The following TMEM127 variants were observed in gnomAD, a reference collection of about 807,000 sequenced individuals.
TMEM127 encodes the protein transmembrane protein 127.
Under a neutral mutation model 20.1 loss-of-function variants are expected in TMEM127, and 21 were observed. The ratio of observed to expected loss-of-function variants is 1.04; its 90% CI spans 0.74 to 1.50. The LOEUF (loss-of-function observed/expected upper bound fraction) is 1.50. Ranked by LOEUF, TMEM127 falls within the 40% of genes most tolerant of loss-of-function variation. The pLI is 0.00. For synonymous variants in TMEM127, 150 were observed against 144.7 expected (o/e 1.04, Z -0.26); for missense variants, 303 against 317.4 (o/e 0.95, Z 0.34).
rs2104282530 is a variant in TMEM127 at position 96,253,814 on chromosome 2, T to C, written c.711A>G (p.Thr237=). Residue 237 remains threonine, a synonymous_variant, in exon 4 of 4, where the codon ACA becomes ACG. Transcript: ENST00000258439. This position sits in a 1 kb window ranked among gnomAD's most constrained non-coding sequence, Gnocchi z 4.3. ...INQFQPPPAY[T]P ...AGAGAGCCCAGGGCTGGCATTAGGG[T>C]GTGTAAGCAGGGGGTGGCTGGAACT... 2 of 1,608,606 alleles carry C rather than the reference T, an allele frequency of 1.2e-6. No homozygotes were observed. The highest frequency in any genetic ancestry group is 3.3e-4 in the Middle Eastern group (2 of 6,012).
intron 2 of TMEM127, among the ~76,000 whole-genome samples, chr2:96,256,054 C>T (rs887130649): frequency 1.4e-4 from 22 of 152,032 alleles, no homozygotes; most frequent in South Asian, 6.2e-4. Context: ...GGGCAGATCA[C>T]GAGGTCAGAA....
chr2:96,254,786 C>G (rs1684165981), intron 3 of TMEM127, 47 bp downstream of exon 3: 1 of 1,612,454 alleles, frequency 6.2e-7, no homozygotes, highest in African/African-American at 1.3e-5. Flanking sequence ...AGGATGCCCC[C>G]ACCCTGTAGC....
chr2:96,264,404 A>T (rs1684370814), intron 2 of TMEM127, among the ~76,000 whole-genome samples: 1 of 152,202 alleles, frequency 6.6e-6, no homozygotes, highest in Non-Finnish European at 1.5e-5. Flanking sequence ...GTTACTAAGG[A>T]CTGTTTGGGG....
Position 96,252,765 on chromosome 2 carries a change from G to T in TMEM127, c.*1043C>A, listed in dbSNP as rs1684119606. ...GGCCAGGTTCCATCTCAGTGCTGCA[G>T]TCCTGAGGAGCACCACGCTGGCCCG... is the stretch of plus-strand genomic sequence containing the variant. On this transcript the variant is annotated 3_prime_UTR_variant, in exon 4 of 4. Coordinates refer to ENST00000258439, the MANE Select transcript of TMEM127 (RefSeq NM_017849.4). The surrounding 1 kb of genome is among the most constrained non-coding windows in gnomAD (Gnocchi z 4.2). 4.3e-6 allele frequency: 1 copy of T among 233,846 alleles called. No individual in the cohort carries two copies. Among genetic ancestry groups the T allele is most frequent in the African/African-American group, 2.2e-5 (1 of 45,360 alleles). The allele number at this position is 233,846 out of a possible 1,614,324, so 14.5% of individuals were successfully genotyped here.
chr2:96,253,623 A>G lies in TMEM127; in HGVS notation c.*185T>C. The G allele has an allele frequency of 1.6e-6, 1 of 636,500 alleles. No individual in the cohort carries two copies. Among genetic ancestry groups the G allele is most frequent in the South Asian group, 2.1e-5 (1 of 48,088 alleles). The allele number at this position is 636,500 out of a possible 1,614,324, so 39.4% of individuals were successfully genotyped here. ...AGAGTACATTATAGAAAACCAGTGG[A>G]CCTCCGGTTCTGAGAGCAGGGATAC... On this transcript the variant is annotated 3_prime_UTR_variant, in exon 4 of 4. Transcript: ENST00000258439. This position sits in a 1 kb window ranked among gnomAD's most constrained non-coding sequence, Gnocchi z 4.3.
chr2:96,253,426 C>G lies in TMEM127; in HGVS notation c.*382G>C. The G allele has an allele frequency of 1.6e-5, 5 of 307,558 alleles. No homozygotes were observed. Among genetic ancestry groups the G allele is most frequent in the South Asian group, 1.3e-4 (2 of 14,912 alleles). 19.1% of individuals were successfully genotyped at this position (307,558 alleles called of 1,614,324 possible). The stretch of plus-strand genomic sequence containing the variant: ...TGAAGTGAGCCTCCAGGGCACAGTC[C>G]CCTTTCCCTTGGGCCCTTTGACACT... On this transcript the variant is annotated 3_prime_UTR_variant, in exon 4 of 4. Transcript: ENST00000258439. The surrounding 1 kb of genome is among the most constrained non-coding windows in gnomAD (Gnocchi z 4.3).
At chr2:96,257,355 G>A (rs985877115) in intron 2 of TMEM127, among the ~76,000 whole-genome samples, 9 of 151,912 alleles carry the variant, frequency 5.9e-5, no homozygotes, top group East Asian at 3.9e-4. Flanking sequence ...CCAGCTACTC[G>A]GGGGGCTGAG....
In TMEM127 at chr2:96,253,655, G is replaced by A. The variant is rs1440678635; in HGVS notation, c.*153C>T. The A allele has an allele frequency of 1.4e-5, 11 of 793,136 alleles. No homozygotes were observed. The highest frequency in any genetic ancestry group is 2.9e-5 in the Admixed American group (1 of 34,112). 49.1% of individuals were successfully genotyped at this position (793,136 alleles called of 1,614,324 possible). A position where few individuals can be genotyped will look rare whatever the true frequency, so the allele number is the denominator to read the frequency against. On this transcript the variant is annotated 3_prime_UTR_variant, in exon 4 of 4. Coordinates refer to ENST00000258439, the MANE Select transcript of TMEM127 (RefSeq NM_017849.4). This position sits in a 1 kb window ranked among gnomAD's most constrained non-coding sequence, Gnocchi z 4.3. ...GTTCTGAGAGCAGGGATACTTGGATGACCCTAAAGGCAGAGTCTCTCCTGG... is the reference window on the plus strand; with the variant it reads ...GTTCTGAGAGCAGGGATACTTGGATAACCCTAAAGGCAGAGTCTCTCCTGG...
At chr2:96,258,928 A>C (rs750043991) in intron 2 of TMEM127, among the ~76,000 whole-genome samples, 278 of 152,288 alleles carry the variant, frequency 1.8e-3, no homozygotes, top group Non-Finnish European at 3.0e-3. Context: ...GGAGTAAGAA[A>C]AGTAATATGT....
rs759649487 is a variant in TMEM127, at chr2:96,253,310, C to T, written c.*498G>A. On this transcript the variant is annotated 3_prime_UTR_variant, in exon 4 of 4. Transcript: ENST00000258439. The surrounding 1 kb of genome is among the most constrained non-coding windows in gnomAD (Gnocchi z 4.3). ...GTAAAGTGCACAGAACTCCCCGGAG[C>T]AGGTGGCCTGGGGGCGGGTCACTCC... 10 of 241,960 alleles carry T rather than the reference C, an allele frequency of 4.1e-5. No individual in the cohort carries two copies. Among genetic ancestry groups the T allele is most frequent in the African/African-American group, 2.2e-4 (10 of 45,444 alleles). The allele number at this position is 241,960 out of a possible 1,614,324, so 15.0% of individuals were successfully genotyped here.
In TMEM127 at chr2:96,265,586, C is replaced by CG. The variant is rs928085360; in HGVS notation, c.-131-75dup. 10 of 557,076 alleles carry CG rather than the reference C, an allele frequency of 1.8e-5. No individual in the cohort carries two copies. The African/African-American group carries it at 1.8e-4, about 10-fold the overall frequency. 34.5% of individuals were successfully genotyped at this position (557,076 alleles called of 1,614,324 possible). ...GGAGACGGGGAGGGCTGCGGGAATTCGGGGGGCGGAGACAGGAGACTCCGG... is the reference window on the plus strand; with the variant it reads ...GGAGACGGGGAGGGCTGCGGGAATTCGGGGGGGCGGAGACAGGAGACTCCGG... On this transcript the variant is annotated intron_variant, in intron 1 of 3. Coordinates refer to ENST00000258439, the MANE Select transcript of TMEM127 (RefSeq NM_017849.4).
At chr2:96,260,954 G>A (rs1217425175) in intron 2 of TMEM127, among the ~76,000 whole-genome samples, 1 of 152,200 alleles carries the variant, frequency 6.6e-6, no homozygotes, top group Non-Finnish European at 1.5e-5. Context: ...GCCTGGCAGT[G>A]TCAGCTGCCC....
At position 96,248,901 on chromosome 2, in the gene TMEM127, T is replaced by G. The variant is rs921739348; in HGVS notation, c.*4907A>C. ...GGCTGGAGGGGCCTCTCCCTCATCTTGTACATCTTATGAAGCCCCTTACCA... is the reference window on the plus strand; with the variant it reads ...GGCTGGAGGGGCCTCTCCCTCATCTGGTACATCTTATGAAGCCCCTTACCA... On this transcript the variant is annotated 3_prime_UTR_variant, in exon 4 of 4. Transcript: ENST00000258439. 1 of 232,318 alleles carries G rather than the reference T, an allele frequency of 4.3e-6. No homozygotes were observed. Among genetic ancestry groups the G allele is most frequent in the Admixed American group, 5.6e-5 (1 of 17,760 alleles). 14.4% of individuals were successfully genotyped at this position (232,318 alleles called of 1,614,324 possible). A position where few individuals can be genotyped will look rare whatever the true frequency, so the allele number is the denominator to read the frequency against.
At chr2:96,261,645 C>T (rs1684313587) in intron 2 of TMEM127, among the ~76,000 whole-genome samples, 1 of 152,186 alleles carries the variant, frequency 6.6e-6, no homozygotes, top group Admixed American at 6.5e-5. Flanking sequence ...AAGCCTCAGG[C>T]AGCTTTGATG....
At position 96,253,868 on chromosome 2, in the gene TMEM127, G is replaced by A. The variant is rs1213216357; in HGVS notation, c.657C>T (p.Pro219=). The A allele has an allele frequency of 3.7e-6, 6 of 1,614,080 alleles. No homozygotes were observed. Among genetic ancestry groups the A allele is most frequent in the Non-Finnish European group, 3.4e-6 (4 of 1,179,980 alleles). ...ELLSEMEENE[P]YPAEYEVINQ... ...TGATGACCTCATATTCCGCCGGGTA[G>A]GGCTCGTTCTCTTCCATCTCTGAGA... Residue 219 remains proline (P), a synonymous_variant, in exon 4 of 4, where the codon CCC becomes CCT. Transcript: ENST00000258439. This position sits in a 1 kb window ranked among gnomAD's most constrained non-coding sequence, Gnocchi z 4.3.
At position 96,254,126 on chromosome 2, in the gene TMEM127, G is replaced by T; in HGVS notation, c.410-11C>A. 6.2e-7 allele frequency: 1 copy of T among 1,613,328 alleles called. No homozygotes were observed. ...TGGCACACTGCAGAACTAGGAGACA[G>T]AGGGACAGCACAGAAGGGGAATTAG... On this transcript the variant is annotated splice_polypyrimidine_tract_variant and intron_variant, in intron 3 of 3. Coordinates refer to ENST00000258439, the MANE Select transcript of TMEM127 (RefSeq NM_017849.4).
At position 96,250,780 on chromosome 2, in the gene TMEM127, C is replaced by A; in HGVS notation, c.*3028G>T. The A allele has an allele frequency of 4.3e-6, 1 of 232,900 alleles. No homozygotes were observed. Among genetic ancestry groups the A allele is most frequent in the Non-Finnish European group, 8.5e-6 (1 of 117,802 alleles). The allele number at this position is 232,900 out of a possible 1,614,324, so 14.4% of individuals were successfully genotyped here. On this transcript the variant is annotated 3_prime_UTR_variant, in exon 4 of 4. Transcript: ENST00000258439. ...CCCTACAGGAGGCTTACAGGTCACA[C>A]TCCCAGAACTGTCTCTATCCCCATG...
rs1684121983 is a variant in TMEM127 at position 96,252,912 on chromosome 2, G to A, written c.*896C>T. ...CATTCTACTGGGAGAGACTCGGGGA[G>A]GGACTACCATGGGCTTGGAAGGAGC... is the stretch of plus-strand genomic sequence containing the variant. On this transcript the variant is annotated 3_prime_UTR_variant, in exon 4 of 4. Transcript: ENST00000258439. The surrounding 1 kb of genome is among the most constrained non-coding windows in gnomAD (Gnocchi z 4.2). The A allele has an allele frequency of 4.3e-6, 1 of 233,402 alleles. No homozygotes were observed. Among genetic ancestry groups the A allele is most frequent in the Non-Finnish European group, 8.5e-6 (1 of 118,152 alleles). 14.5% of individuals were successfully genotyped at this position (233,402 alleles called of 1,614,324 possible).
At chr2:96,256,269 CAA>C (rs149704966) in intron 2 of TMEM127, among the ~76,000 whole-genome samples, 28 of 92,288 alleles carry the variant, frequency 3.0e-4, no homozygotes, top group Admixed American at 4.7e-4. Flanking sequence ...GACTCTGTCT[CAA>C]AAAAAAAAAA....
Sources: allele counts gnomAD v4.1 joint callset (sites outside exome capture counted in the v4.1 genomes callset), GRCh38; gene constraint gnomAD v4.1.1; non-coding constraint Gnocchi (gnomAD v3.1); transcripts MANE v1.5; gene names NCBI Gene and HGNC (gene_info 2026-07-23, HGNC 2026-07-21).